The following ROBO2 variants were observed in gnomAD, a reference collection of about 807,000 sequenced individuals.
The protein encoded by ROBO2 is roundabout guidance receptor 2.
ROBO2 carries 53 observed loss-of-function variants against 160.8 expected under a neutral mutation model. That is an observed-to-expected ratio of 0.33 (90% confidence interval 0.26 to 0.41). The LOEUF (loss-of-function observed/expected upper bound fraction) is 0.41. ROBO2 is among the 10% of genes least tolerant of loss of function. The pLI, the probability that ROBO2 is intolerant of heterozygous loss-of-function variation, is 1.00. For synonymous variants in ROBO2, 664 were observed against 611.7 expected (o/e 1.09, Z -1.26); for missense variants, 1,577 against 1,722.4 (o/e 0.92, Z 1.49).
At chr3:76,344,559 A>G (rs528639069) in intron 2 of ROBO2, among the ~76,000 whole-genome samples, 9 of 152,290 alleles carry the variant, frequency 5.9e-5, no homozygotes, top group South Asian at 4.1e-4. Context: ...GTAGTAGTCT[A>G]TGTGAAACGT....
intron 6 of ROBO2, chr3:77,538,931 T>TA (rs2092316951): frequency 2.2e-6 from 1 of 457,036 alleles, no homozygotes; most frequent in Admixed American, 2.3e-5. Context: ...TTCTTCTTTT[T>TA]AGAGACGGAG....
chr3:77,568,575 C>A, intron 13 of ROBO2, 141 bp downstream of exon 14: 1 of 985,196 alleles, frequency 1.0e-6, no homozygotes, highest in Non-Finnish European at 1.6e-6. Flanking sequence ...TAAAGAAAAT[C>A]AACAAATTAA....
chr3:76,251,945 C>T (rs1483436181), intron 2 of ROBO2, among the ~76,000 whole-genome samples: 2 of 151,938 alleles, frequency 1.3e-5, no homozygotes, highest in Non-Finnish European at 2.9e-5. Context: ...ATAAGAAAGA[C>T]AGAAAAATAT....
rs1560252245 is a variant in ROBO2 at position 76,622,245 on chromosome 3, A to AGAAAGAAAGAAAGAAAGAAGGAAG, written c.110-475750_110-475749insGGAAGGAAAGAAAGAAAGAAAGAA. On this transcript the variant is annotated intron_variant, in intron 2 of 26. Coordinates refer to the ROBO2 transcript ENST00000487694. The stretch of plus-strand genomic sequence containing the variant: ...AAGGAAGGAAGGAAGGAAGAAAGAA[A>AGAAAGAAAGAAAGAAAGAAGGAAG]GAAAGAAAGAAAGAAAGAAAGAAAG... Among the ~76,000 whole-genome samples the AGAAAGAAAGAAAGAAAGAAGGAAG allele has an allele frequency of 5.0e-4, 22 of 44,168 alleles. 1 individual carries two copies. Among genetic ancestry groups the AGAAAGAAAGAAAGAAAGAAGGAAG allele is most frequent in the Non-Finnish European group, 8.8e-4 (20 of 22,606 alleles). 29.0% of individuals were successfully genotyped at this position (44,168 alleles called of 152,430 possible). A position where few individuals can be genotyped will look rare whatever the true frequency, so the allele number is the denominator to read the frequency against.
rs1238739366 is a variant in ROBO2, at chr3:76,190,531, A to G, written c.109+252929A>G. On this transcript the variant is annotated intron_variant, in intron 2 of 26. Coordinates refer to the ROBO2 transcript ENST00000487694. The stretch of plus-strand genomic sequence containing the variant: ...GTTATATGTGATTATCTAATGCTTT[A>G]AATTATTTAAAATCAATATGTAGTT... 2.0e-5 allele frequency among the ~76,000 whole-genome samples: 3 copies of G among 152,232 alleles called. No homozygotes were observed. The South Asian group carries it at 6.2e-4, about 32-fold the overall frequency.
At chr3:76,078,332 T>G (rs2068709132) in intron 2 of ROBO2, among the ~76,000 whole-genome samples, 2 of 152,316 alleles carry the variant, frequency 1.3e-5, no homozygotes. Flanking sequence ...AGTCCTAGTG[T>G]TGGATTTAGC....
chr3:76,305,846 CA>C (rs556475405), intron 2 of ROBO2, among the ~76,000 whole-genome samples: 40 of 138,978 alleles, frequency 2.9e-4, no homozygotes, highest in Admixed American at 8.0e-4. Context: ...GACTCCATCT[CA>C]AAAAAAAAAA....
At chr3:76,243,137 CT>C (rs1298666118) in intron 2 of ROBO2, among the ~76,000 whole-genome samples, 1 of 152,126 alleles carries the variant, frequency 6.6e-6, no homozygotes, top group African/African-American at 2.4e-5. Context: ...CTTGATTAAC[CT>C]TTTTCTCTCG....
chr3:76,601,008 CA>C (rs1290434063), intron 2 of ROBO2, among the ~76,000 whole-genome samples: 1 of 152,170 alleles, frequency 6.6e-6, no homozygotes, highest in Non-Finnish European at 1.5e-5. Flanking sequence ...TTGGCCAAAA[CA>C]AAGGAGCTAC....
At chr3:76,168,226 C>G (rs532398826) in intron 2 of ROBO2, among the ~76,000 whole-genome samples, 2 of 152,230 alleles carry the variant, frequency 1.3e-5, no homozygotes, top group South Asian at 4.1e-4. Context: ...ATGTCAAACC[C>G]TTAAACTAGT....
intron 2 of ROBO2, among the ~76,000 whole-genome samples, chr3:75,995,050 G>A (rs185610911): frequency 5.0e-4 from 76 of 152,298 alleles, no homozygotes; most frequent in African/African-American, 1.7e-3. Context: ...AGGTGACAGA[G>A]CATAAAAGTT....
At chr3:76,661,949 T>C (rs1191626184) in intron 2 of ROBO2, among the ~76,000 whole-genome samples, 1 of 152,228 alleles carries the variant, frequency 6.6e-6, no homozygotes, top group African/African-American at 2.4e-5. Flanking sequence ...GGGCCTGTTA[T>C]CTGTCATGTG....
chr3:76,567,237 A>G (rs2084583526), intron 2 of ROBO2, among the ~76,000 whole-genome samples: 1 of 152,154 alleles, frequency 6.6e-6, no homozygotes, highest in East Asian at 1.9e-4. Context: ...TGAAAATGGC[A>G]TGATTGTGTA....
Position 77,207,963 on chromosome 3 carries a change from G to A in ROBO2, c.388+109623G>A, listed in dbSNP as rs866161572. On this transcript the variant is annotated intron_variant, in intron 2 of 25. Transcript: ENST00000461745. ...CACAACAGGAGCTTGTGATGGATTC[G>A]CTCCCACTGTGGGAATTGTCCGTGA... 3.9e-5 allele frequency among the ~76,000 whole-genome samples: 6 copies of A among 152,274 alleles called. No homozygotes were observed. The South Asian group carries it at 8.3e-4, about 21-fold the overall frequency.
intron 2 of ROBO2, among the ~76,000 whole-genome samples, chr3:76,772,500 T>A (rs34365423): frequency 0.065 from 9,368 of 143,852 alleles, 425 homozygotes; most frequent in East Asian, 0.15. Flanking sequence ...CCCCTGACAT[T>A]ATACCTTGGG....
chr3:76,529,981 T>C (rs112538514), intron 2 of ROBO2, among the ~76,000 whole-genome samples: 323 of 152,294 alleles, frequency 2.1e-3, no homozygotes, highest in African/African-American at 7.4e-3. Context: ...CTCTCTCCTC[T>C]CCTGATCCTA....
chr3:77,387,751 A>G (rs1314792703), intron 2 of ROBO2, among the ~76,000 whole-genome samples: 2 of 152,230 alleles, frequency 1.3e-5, no homozygotes, highest in East Asian at 3.9e-4. Context: ...TAGCTACTCT[A>G]TGTTCATCTT....
chr3:76,440,635 A>C (rs2076883746), intron 2 of ROBO2, among the ~76,000 whole-genome samples: 1 of 152,172 alleles, frequency 6.6e-6, no homozygotes, highest in Admixed American at 6.5e-5. Flanking sequence ...TACCCCTTCC[A>C]AGAGCAGAAA....
chr3:77,213,198 T>G (rs915315508), intron 2 of ROBO2, among the ~76,000 whole-genome samples: 31 of 152,210 alleles, frequency 2.0e-4, no homozygotes, highest in Non-Finnish European at 4.1e-4. Flanking sequence ...TGTGAATCCA[T>G]CTGGTTCTGG....
Sources: gnomAD v4.1 joint callset for allele counts (sites outside exome capture counted in the v4.1 genomes callset) on GRCh38, gnomAD v4.1.1 for gene constraint, MANE v1.5 for transcripts, NCBI Gene and HGNC (gene_info 2026-07-23, HGNC 2026-07-21) for gene names.